Variants in EYA1 observed in about 807,000 individuals in gnomAD.
The protein encoded by EYA1 is EYA transcriptional coactivator and phosphatase 1, also known as protein phosphatase EYA1.
In EYA1, 16 loss-of-function variants were observed where a neutral mutation model predicts 82.0. That is an observed-to-expected ratio of 0.20 (90% confidence interval 0.13 to 0.30). The LOEUF (loss-of-function observed/expected upper bound fraction) is 0.30. EYA1 is among the 10% of genes least tolerant of loss of function. EYA1 has a pLI of 1.00. For missense variants in EYA1, 633 were observed against 730.7 expected (o/e 0.87, Z 1.54); for synonymous variants, 261 against 264.4 (o/e 0.99, Z 0.12).
chr8:71,265,156 G>A (rs1263965884), intron 11 of EYA1, among the ~76,000 whole-genome samples: 3 of 147,630 alleles, frequency 2.0e-5, no homozygotes, highest in African/African-American at 7.8e-5. Flanking sequence ...TCAAGTTTTT[G>A]TTTTTGTTTT....
intron 2 of EYA1, among the ~76,000 whole-genome samples, chr8:71,492,186 C>T (rs535849148): frequency 1.4e-4 from 21 of 152,118 alleles, no homozygotes; most frequent in Non-Finnish European, 2.9e-4. Context: ...AAATGGGCCT[C>T]GGTAACTGCC....
At chr8:71,341,287 G>T (rs1412788011) in intron 3 of EYA1, among the ~76,000 whole-genome samples, 1 of 152,170 alleles carries the variant, frequency 6.6e-6, no homozygotes, top group Non-Finnish European at 1.5e-5. Flanking sequence ...TTATGCTGTA[G>T]AGGATCACAA....
rs11330984 is a variant in EYA1 at position 71,282,938 on chromosome 8, G to GTTTTT, written c.827-11046_827-11042dup. On this transcript the variant is annotated intron_variant, in intron 9 of 17. Transcript: ENST00000340726. Reference sequence around the variant, plus strand: ...GCTCTGATCTCTTCAACACCACCTTGTTTTTTTTTTTTTTTTGCCTTGTTG... The same window carrying GTTTTT: ...GCTCTGATCTCTTCAACACCACCTTGTTTTTTTTTTTTTTTTTTTTTGCCTTGTTG... Among the ~76,000 whole-genome samples, 2 of 131,434 alleles carry GTTTTT rather than the reference G, an allele frequency of 1.5e-5. 1 individual carries two copies. Among genetic ancestry groups the GTTTTT allele is most frequent in the Non-Finnish European group, 3.2e-5 (2 of 61,804 alleles). The allele number at this position is 131,434 out of a possible 152,430, so 86.2% of individuals were successfully genotyped here. A position where few individuals can be genotyped will look rare whatever the true frequency, so the allele number is the denominator to read the frequency against.
At chr8:71,335,048 G>A (rs1004129241) in intron 3 of EYA1, among the ~76,000 whole-genome samples, 5 of 152,156 alleles carry the variant, frequency 3.3e-5, no homozygotes, top group Admixed American at 1.3e-4. Context: ...AAGTAGCATC[G>A]TTGTTTTCCT....
At chr8:71,375,997 TAGAC>T (rs1250995860) in intron 2 of EYA1, among the ~76,000 whole-genome samples, 1 of 152,174 alleles carries the variant, frequency 6.6e-6, no homozygotes, top group African/African-American at 2.4e-5. Flanking sequence ...AATATAAAAG[TAGAC>T]AGTTTTCTGC....
chr8:71,210,091 G>A (rs183812187), intron 17 of EYA1, among the ~76,000 whole-genome samples: 38 of 152,250 alleles, frequency 2.5e-4, no homozygotes, highest in African/African-American at 8.4e-4. Flanking sequence ...TTATAGACAA[G>A]GAAAGGGAAA....
chr8:71,257,371 TA>T (rs890966595), intron 11 of EYA1, among the ~76,000 whole-genome samples: 44 of 152,066 alleles, frequency 2.9e-4, no homozygotes, highest in African/African-American at 6.3e-4. Context: ...AATGAAAAGT[TA>T]AAAAAAATAT....
Position 71,422,691 on chromosome 8 carries a change from C to T in EYA1, c.34-66180G>A, listed in dbSNP as rs147105243. Reference sequence around the variant, plus strand: ...CAATTATGGCAGAAGGGGAAACAAACGCATCCTTCTTCACATGATGGCAGG... The same window carrying T: ...CAATTATGGCAGAAGGGGAAACAAATGCATCCTTCTTCACATGATGGCAGG... On this transcript the variant is annotated intron_variant, in intron 2 of 18. Coordinates refer to the EYA1 transcript ENST00000643681. 3.9e-4 allele frequency among the ~76,000 whole-genome samples: 60 copies of T among 152,224 alleles called. 2 individuals carry two copies. The highest frequency in any genetic ancestry group is 1.4e-3 in the African/African-American group (57 of 41,546).
chr8:71,325,794 CT>C (rs1823083645), intron 4 of EYA1, among the ~76,000 whole-genome samples: 1 of 152,188 alleles, frequency 6.6e-6, no homozygotes, highest in African/African-American at 2.4e-5. Flanking sequence ...TTTGGGCTTT[CT>C]TTAAATCCAA....
chr8:71,211,274 A>ATGAT lies in EYA1; in HGVS notation c.1598-22_1598-19dup. The ATGAT allele has an allele frequency of 2.0e-6, 3 of 1,514,746 alleles. No individual in the cohort carries two copies. Among genetic ancestry groups the ATGAT allele is most frequent in the East Asian group, 4.5e-5 (2 of 44,354 alleles). 93.8% of individuals were successfully genotyped at this position (1,514,746 alleles called of 1,614,324 possible). A position where few individuals can be genotyped will look rare whatever the true frequency, so the allele number is the denominator to read the frequency against. ...TTCTTTTCCTAGTGAACAAAAATAA[A>ATGAT]TGATAGAAAATGTGAAGTTTGGGTA... On this transcript the variant is annotated intron_variant, in intron 16 of 17. Transcript: ENST00000340726.
At chr8:71,521,703 T>C (rs900460458) in intron 2 of EYA1, among the ~76,000 whole-genome samples, 8 of 152,104 alleles carry the variant, frequency 5.3e-5, no homozygotes, top group African/African-American at 1.9e-4. Context: ...TGCAAAAAAA[T>C]GTTAAGTGAA....
intron 1 of EYA1, 127 bp downstream of exon 1, chr8:71,361,520 T>A: frequency 6.1e-6 from 2 of 328,360 alleles, no homozygotes; most frequent in Non-Finnish European, 8.7e-6. Flanking sequence ...ATTTTCCCCA[T>A]GCCATAATGT....
chr8:71,416,395 G>C (rs1245756577), intron 2 of EYA1, among the ~76,000 whole-genome samples: 1 of 152,164 alleles, frequency 6.6e-6, no homozygotes, highest in African/African-American at 2.4e-5. Flanking sequence ...TGTGCCATCT[G>C]GGTGGAATTC....
chr8:71,387,775 T>C (rs1046220394), intron 2 of EYA1, among the ~76,000 whole-genome samples: 6 of 152,116 alleles, frequency 3.9e-5, no homozygotes, highest in Admixed American at 2.0e-4. Flanking sequence ...TTTTCAGCTA[T>C]CCAAATCTTT....
intron 4 of EYA1, among the ~76,000 whole-genome samples, chr8:71,325,317 T>C (rs753328973): frequency 6.6e-6 from 1 of 152,132 alleles, no homozygotes; most frequent in Non-Finnish European, 1.5e-5. Context: ...ACGTCTTCCT[T>C]CTCTGTACTT....
chr8:71,319,771 C>T lies in EYA1; in HGVS notation c.418+1963G>A, dbSNP rs183231237. On this transcript the variant is annotated intron_variant, in intron 6 of 17. Transcript: ENST00000340726. Reference sequence around the variant, plus strand: ...AGCCTTGACTATCAGCAGTTAAAACCCAAGCTATGTGCTCTTCCTTCATGA... The same window carrying T: ...AGCCTTGACTATCAGCAGTTAAAACTCAAGCTATGTGCTCTTCCTTCATGA... Among the ~76,000 whole-genome samples, 273 of 152,222 alleles carry T rather than the reference C, an allele frequency of 1.8e-3. No individual in the cohort carries two copies. In the Middle Eastern group the frequency reaches 0.058, roughly 32 times the overall value.
intron 11 of EYA1, among the ~76,000 whole-genome samples, chr8:71,247,048 C>T (rs1813187527): frequency 6.6e-6 from 1 of 150,536 alleles, no homozygotes; most frequent in Non-Finnish European, 1.5e-5. Context: ...ATACTTCCTA[C>T]TGTCTTGGCA....
intron 17 of EYA1, among the ~76,000 whole-genome samples, chr8:71,208,881 A>G (rs1808172141): frequency 6.6e-6 from 1 of 152,240 alleles, no homozygotes; most frequent in African/African-American, 2.4e-5. Flanking sequence ...TGTACTTATC[A>G]GAAAGGTTTA....
intron 2 of EYA1, among the ~76,000 whole-genome samples, chr8:71,498,210 C>T (rs1811561460): frequency 6.6e-6 from 1 of 152,048 alleles, no homozygotes; most frequent in Non-Finnish European, 1.5e-5. Flanking sequence ...AGTGTTCTCA[C>T]CACAAAAATG....
Sources: allele counts gnomAD v4.1 joint callset (sites outside exome capture counted in the v4.1 genomes callset), GRCh38; gene constraint gnomAD v4.1.1; transcripts MANE v1.5; gene names NCBI Gene and HGNC (gene_info 2026-07-23, HGNC 2026-07-21).